Variants in SGK1 observed in about 807,000 individuals in gnomAD.
SGK1 encodes the protein serum/glucocorticoid regulated kinase 1.
In SGK1, 26 loss-of-function variants were observed where a neutral mutation model predicts 64.2. The ratio of observed to expected loss-of-function variants is 0.40; its 90% CI spans 0.30 to 0.56. The LOEUF is 0.56. SGK1 is among the 20% of genes least tolerant of loss of function. The probability of loss-of-function intolerance (pLI) is 0.38; values close to 1 mark genes in which losing one functional copy is unlikely to be tolerated. For synonymous variants in SGK1, 265 were observed against 239.7 expected, an observed-to-expected ratio of 1.11 and a Z score of -0.98; for missense variants, 519 against 645.6, an observed-to-expected ratio of 0.80 and a Z score of 2.12.
At chr6:134,210,459 G>T (rs78143820) in intron 2 of SGK1, among the ~76,000 whole-genome samples, 2,099 of 152,246 alleles carry the variant, frequency 0.014, 53 homozygotes, top group African/African-American at 0.049. Flanking sequence ...ATTTAATTTA[G>T]GCAAGACGAC....
In SGK1 at chr6:134,207,389, C is replaced by T. The variant is rs756041472; in HGVS notation, c.328G>A (p.Asp110Asn). 5.6e-6 allele frequency: 9 copies of T among 1,612,206 alleles called. No homozygotes were observed. The highest frequency in any genetic ancestry group is 4.4e-5 in the South Asian group (4 of 91,002). ...CNHANILTKP[D>N]PRTFWTNDDP... ...TCATTAGTCCAGAAGGTTCTTGGATCGGGCTTGGTCAGGATGTTGGCATGA... is the reference window on the plus strand; with the variant it reads ...TCATTAGTCCAGAAGGTTCTTGGATTGGGCTTGGTCAGGATGTTGGCATGA... Residue 110 changes from aspartate (D) to asparagine (N), a missense_variant, in exon 3 of 14, where the codon GAT becomes AAT. Physicochemically the swap from Asp to Asn is conservative, Grantham distance 23. Around this residue, in one of 2 missense-constraint regions of SGK1, gnomAD observed 241 missense variants for 236.9 expected, o/e 1.02. Coordinates refer to ENST00000367858, the MANE Select transcript of SGK1 (RefSeq NM_001143676.3).
intron 1 of SGK1, among the ~76,000 whole-genome samples, chr6:134,272,000 C>T (rs2114760213): frequency 6.8e-6 from 1 of 146,840 alleles, no homozygotes; most frequent in Non-Finnish European, 1.5e-5. Context: ...CACCACCACA[C>T]CCAGCTGAGT....
At chr6:134,172,910 C>G in intron 8 of SGK1, 113 bp downstream of exon 8, 2 of 1,319,406 alleles carry the variant, frequency 1.5e-6, no homozygotes, top group Non-Finnish European at 2.1e-6. Flanking sequence ...GAAGGAAATG[C>G]TAATTCTGGT....
intron 1 of SGK1, among the ~76,000 whole-genome samples, chr6:134,266,558 T>G (rs1234742439): frequency 1.3e-5 from 2 of 152,084 alleles, no homozygotes; most frequent in South Asian, 2.1e-4. Context: ...GAGGTTGCAG[T>G]GAGCCTGAGA....
At chr6:134,200,269 G>A (rs756162980) in intron 3 of SGK1, among the ~76,000 whole-genome samples, 4 of 152,256 alleles carry the variant, frequency 2.6e-5, no homozygotes, top group African/African-American at 7.2e-5. Flanking sequence ...GTAAGATGAC[G>A]GGTGATCAAT....
At chr6:134,195,764 A>G (rs1028100794) in intron 3 of SGK1, among the ~76,000 whole-genome samples, 12 of 152,210 alleles carry the variant, frequency 7.9e-5, no homozygotes, top group African/African-American at 2.7e-4. Context: ...AAGTCTAGCC[A>G]TATGTCTATT....
chr6:134,213,069 C>A (rs1245878207), intron 2 of SGK1, among the ~76,000 whole-genome samples: 4 of 152,070 alleles, frequency 2.6e-5, no homozygotes, highest in Non-Finnish European at 4.4e-5. Context: ...TCTCAAGAAC[C>A]AAAGCATCCG....
intron 13 of SGK1, 129 bp downstream of exon 13, chr6:134,170,697 A>T: frequency 1.3e-6 from 1 of 750,412 alleles, no homozygotes; most frequent in Non-Finnish European, 2.2e-6. Flanking sequence ...CTTTTTATGT[A>T]GGTAAAATAA....
intron 1 of SGK1, among the ~76,000 whole-genome samples, chr6:134,300,705 T>C (rs1202726759): frequency 3.5e-5 from 5 of 141,132 alleles, no homozygotes; most frequent in African/African-American, 5.2e-5. Context: ...TGATCTCGGC[T>C]CACTACAACC....
chr6:134,307,087 A>T (rs1320827475), intron 1 of SGK1, among the ~76,000 whole-genome samples: 1 of 152,222 alleles, frequency 6.6e-6, no homozygotes, highest in Non-Finnish European at 1.5e-5. Context: ...TGAAAAAAAA[A>T]TTATACATTC....
At chr6:134,210,396 T>G (rs1775869456) in intron 2 of SGK1, among the ~76,000 whole-genome samples, 1 of 152,210 alleles carries the variant, frequency 6.6e-6, no homozygotes, top group South Asian at 2.1e-4. Context: ...TTCCAGGGGC[T>G]GCAGGGAGGG....
In SGK1 at chr6:134,317,540, C is replaced by G; in HGVS notation, c.-80G>C. 2 of 851,826 alleles carry G rather than the reference C, an allele frequency of 2.3e-6. No individual in the cohort carries two copies. The highest frequency in any genetic ancestry group is 4.1e-6 in the Non-Finnish European group (2 of 485,426). The allele number at this position is 851,826 out of a possible 1,614,324, so 52.8% of individuals were successfully genotyped here. A position where few individuals can be genotyped will look rare whatever the true frequency, so the allele number is the denominator to read the frequency against. ...GTGCATATCTGTTTCCCCGGTTTACCTCCTGCAGACAGTTAATGAAGACTG... is the reference window on the plus strand; with the variant it reads ...GTGCATATCTGTTTCCCCGGTTTACGTCCTGCAGACAGTTAATGAAGACTG... On this transcript the variant is annotated 5_prime_UTR_variant, in exon 1 of 14. Transcript: ENST00000367858.
intron 2 of SGK1, among the ~76,000 whole-genome samples, chr6:134,244,405 A>G (rs1562263023): frequency 6.6e-6 from 1 of 152,132 alleles, no homozygotes; most frequent in African/African-American, 2.4e-5. Context: ...AGTCTTTGCT[A>G]TTGTGAATAG....
At chr6:134,188,204 C>T (rs887152272) in intron 3 of SGK1, among the ~76,000 whole-genome samples, 3 of 152,098 alleles carry the variant, frequency 2.0e-5, no homozygotes, top group African/African-American at 7.2e-5. Context: ...TTCATGTGGA[C>T]ACAAATATCT....
chr6:134,290,678 T>G (rs1167444642), intron 1 of SGK1, among the ~76,000 whole-genome samples: 2 of 152,126 alleles, frequency 1.3e-5, no homozygotes, highest in Non-Finnish European at 1.5e-5. Flanking sequence ...TCATTGTGCC[T>G]CAGATAATGA....
intron 2 of SGK1, among the ~76,000 whole-genome samples, chr6:134,228,915 T>C (rs1045389008): frequency 6.7e-6 from 1 of 149,664 alleles, no homozygotes; most frequent in Non-Finnish European, 1.5e-5. Flanking sequence ...GCGATCTCCG[T>C]TCACTGCAAG....
chr6:134,275,118 T>A (rs183806984), intron 1 of SGK1, among the ~76,000 whole-genome samples: 1,816 of 152,032 alleles, frequency 0.012, 16 homozygotes, highest in South Asian at 0.021. Flanking sequence ...CATCTTTTTT[T>A]AAAAAATAAA....
chr6:134,282,514 A>C (rs1340709044), intron 1 of SGK1, among the ~76,000 whole-genome samples: 1 of 151,790 alleles, frequency 6.6e-6, no homozygotes, highest in African/African-American at 2.4e-5. Flanking sequence ...TTAGCTGGGC[A>C]TGGTGGCGCA....
intron 1 of SGK1, among the ~76,000 whole-genome samples, chr6:134,291,846 A>G (rs1232033401): frequency 6.6e-6 from 1 of 152,200 alleles, no homozygotes; most frequent in African/African-American, 2.4e-5. Flanking sequence ...AGATCACTTG[A>G]GGTCAGGAGT....
Sources: allele counts gnomAD v4.1 joint callset (sites outside exome capture counted in the v4.1 genomes callset), GRCh38; gene constraint gnomAD v4.1.1; regional missense constraint gnomAD v4.1.1; transcripts MANE v1.5; gene names NCBI Gene and HGNC (gene_info 2026-07-23, HGNC 2026-07-21).